CELSR2: variants seen among roughly 807,000 people sequenced by gnomAD.
The protein encoded by CELSR2 is EGF-like protein 2.
In CELSR2, 81 loss-of-function variants were observed where a neutral mutation model predicts 251.6. The ratio of observed to expected loss-of-function variants is 0.32; its 90% confidence interval spans 0.27 to 0.39. The LOEUF is 0.39. Ranked by LOEUF, CELSR2 falls within the 10% of genes least tolerant of loss-of-function variation. The pLI is 1.00. For missense variants in CELSR2, 3,365 were observed against 3,947.7 expected (o/e 0.85, Z 3.96); for synonymous variants, 1,721 against 1,670.5 (o/e 1.03, Z -0.74).
chr1:109,267,980 C>T lies in CELSR2; in HGVS notation c.6238C>T (p.Leu2080=). The change falls in exon 17 of 34, where the codon CTG becomes TTG. Residue 2080 remains leucine (L), a synonymous_variant. Transcript: ENST00000271332. ...CAGCGACGTCAAGGTGGCCTACCAG[C>T]TGGCCACGCGGCTGCTGGCCCACGA... The part of the protein sequence containing the change: ...FGSDVKVAYQ[L]ATRLLAHEST... 1.2e-6 allele frequency: 2 copies of T among 1,611,170 alleles called. No homozygotes were observed. Among genetic ancestry groups the T allele is most frequent in the Non-Finnish European group, 1.7e-6 (2 of 1,179,770 alleles).
Position 109,270,499 on chromosome 1 carries a change from C to T in CELSR2, c.7382C>T (p.Ala2461Val), listed in dbSNP as rs756682979. 4 of 1,614,098 alleles carry T rather than the reference C, an allele frequency of 2.5e-6. No homozygotes were observed. In the African/African-American group the frequency reaches 5.3e-5, roughly 22 times the overall value. Reference protein sequence around the residue: ...LCTFSWALLEALHLYRALTEV... With the variant: ...LCTFSWALLEVLHLYRALTEV... ...ACCTTTTCCTGGGCTCTGCTGGAGG[C>T]CTTGCACCTGTACCGGGCACTCACT... Residue 2461 changes from alanine to valine, a missense_variant, in exon 24 of 34, where the codon GCC becomes GTC. Physicochemically the swap from Ala to Val is moderately conservative, Grantham distance 64. This residue lies in a region of CELSR2 where 2,093 missense variants were observed against 2,382.8 expected (regional missense o/e 0.88). Transcript: ENST00000271332.
Position 109,268,150 on chromosome 1 carries a change from C to T in CELSR2, c.6318+90C>T, listed in dbSNP as rs1656257913. ...GGCAACCTGGGGGGCAGAGGGGGCCCTCCCATCCCACCTACAAGGAGCTCC... is the reference window on the plus strand; with the variant it reads ...GGCAACCTGGGGGGCAGAGGGGGCCTTCCCATCCCACCTACAAGGAGCTCC... On this transcript the variant is annotated intron_variant, in intron 17 of 33. Transcript: ENST00000271332. 1.1e-5 allele frequency: 16 copies of T among 1,493,556 alleles called. No individual in the cohort carries two copies. The South Asian group carries it at 1.2e-4, about 11-fold the overall frequency. The allele number at this position is 1,493,556 out of a possible 1,614,324, so 92.5% of individuals were successfully genotyped here.
In CELSR2 at chr1:109,250,332, C is replaced by T. The variant is rs1655647103; in HGVS notation, c.253C>T (p.Pro85Ser). 1 of 1,613,476 alleles carries T rather than the reference C, an allele frequency of 6.2e-7. No individual in the cohort carries two copies. The change falls in exon 1 of 34, where the codon CCC (proline) becomes TCC (serine). Residue 85 changes from proline (P) to serine (S), a missense_variant. Pro to Ser is a moderately conservative substitution (Grantham distance 74, BLOSUM62 -1). Transcript: ENST00000271332. The surrounding 1 kb of genome is among the most constrained non-coding windows in gnomAD (Gnocchi z 4.4). ...CACTGAGCTGACTGGCCACCTGGTACCCCACCACGATGGCCTGAGGGTTTG... is the reference window on the plus strand; with the variant it reads ...CACTGAGCTGACTGGCCACCTGGTATCCCACCACGATGGCCTGAGGGTTTG... ...AGTELTGHLV[P>S]HHDGLRVWCP...
chr1:109,272,600 G>A, intron 29 of CELSR2, 40 bp from the exon 30 acceptor site: 1 of 1,585,356 alleles, frequency 6.3e-7, no homozygotes, highest in Non-Finnish European at 8.7e-7. Flanking sequence ...CCTGGGCAAG[G>A]GGCCAGGCTG....
rs1334523124 is a variant in CELSR2 at position 109,249,663 on chromosome 1, G to T, written c.-417G>T. Among the ~76,000 whole-genome samples, 2 of 146,722 alleles carry T rather than the reference G, an allele frequency of 1.4e-5. No homozygotes were observed. The highest frequency in any genetic ancestry group is 3.0e-5 in the Non-Finnish European group (2 of 65,974). ...GGGCGGCGCGGGACCGTCGGGGGCCGCCGGGGCCGGGCCGGGGTCGGGGCG... is the reference window on the plus strand; with the variant it reads ...GGGCGGCGCGGGACCGTCGGGGGCCTCCGGGGCCGGGCCGGGGTCGGGGCG... On this transcript the variant is annotated 5_prime_UTR_variant, in exon 1 of 34. Transcript: ENST00000271332.
intron 15 of CELSR2, among the ~76,000 whole-genome samples, chr1:109,267,058 G>T (rs1160571221): frequency 6.6e-6 from 1 of 152,122 alleles, no homozygotes; most frequent in Non-Finnish European, 1.5e-5. Flanking sequence ...TGAAAAACCT[G>T]CACTGTGCTT....
chr1:109,264,490 A>G lies in CELSR2; in HGVS notation c.5326A>G (p.Ser1776Gly). 6.2e-7 allele frequency: 1 copy of G among 1,613,944 alleles called. No individual in the cohort carries two copies. Among genetic ancestry groups the G allele is most frequent in the Non-Finnish European group, 8.5e-7 (1 of 1,179,932 alleles). ...GAGCGATACGCCGGAGGGGGTTAAC[A>G]GCCTGGATCCCAGCCATGGGGAGAG... ...RVSDTPEGVN[S>G]LDPSHGESIN... Residue 1776 changes from serine to glycine, a missense_variant, in exon 11 of 34, where the codon AGC becomes GGC. Around this residue, in one of 5 missense-constraint regions of CELSR2, gnomAD observed 2,093 missense variants for 2,382.8 expected, o/e 0.88. Coordinates refer to ENST00000271332, the MANE Select transcript of CELSR2 (RefSeq NM_001408.3).
In CELSR2 at chr1:109,249,588, C is replaced by G. The variant is rs1480817105; in HGVS notation, c.-492C>G. Among the ~76,000 whole-genome samples, 5 of 148,840 alleles carry G rather than the reference C, an allele frequency of 3.4e-5. No homozygotes were observed. The highest frequency in any genetic ancestry group is 2.0e-4 in the East Asian group (1 of 5,112). Reference sequence around the variant, plus strand: ...AGGCGAGGGAGCGCGGGGCTGGGCCCGGGGCCGCGGCGACAGGCAGCAGCC... The same window carrying G: ...AGGCGAGGGAGCGCGGGGCTGGGCCGGGGGCCGCGGCGACAGGCAGCAGCC... On this transcript the variant is annotated 5_prime_UTR_variant, in exon 1 of 34. Coordinates refer to ENST00000271332, the MANE Select transcript of CELSR2 (RefSeq NM_001408.3).
Position 109,252,403 on chromosome 1 carries a change from AT to A in CELSR2, c.2325del (p.Tyr775Ter). ...GAVTTQAELD[Y>X]EDQVSYTLAI... ...GTCACCACCCAGGCTGAGCTGGACT[AT>A]GAAGACCAAGTGTCTTACACCCTGG... On this transcript the variant is annotated frameshift_variant, in exon 1 of 34. Transcript: ENST00000271332. LOFTEE classifies it high-confidence loss of function. The surrounding 1 kb of genome is among the most constrained non-coding windows in gnomAD (Gnocchi z 4.8). The A allele has an allele frequency of 6.2e-7, 1 of 1,613,296 alleles. No individual in the cohort carries two copies. The highest frequency in any genetic ancestry group is 8.5e-7 in the Non-Finnish European group (1 of 1,180,018).
rs747850757 is a variant in CELSR2, at chr1:109,263,794, C to T, written c.5001+17C>T. 1.4e-5 allele frequency: 22 copies of T among 1,609,746 alleles called. No individual in the cohort carries two copies. The highest frequency in any genetic ancestry group is 5.5e-5 in the South Asian group (5 of 90,884). ...ACCCTACAGGTGATGCATGGAAGGG[C>T]GGCTGGCCCTGGCCTGGCCATAGGG... On this transcript the variant is annotated intron_variant, in intron 9 of 33. Transcript: ENST00000271332.
At position 109,273,497 on chromosome 1, in the gene CELSR2, C is replaced by T; in HGVS notation, c.8571C>T (p.Pro2857=). ...AGAAGAGCAGCCTCCTGCGGCTCCCCCTGGAGCAATGCACAGGGTCTTCCC... is the reference window on the plus strand; with the variant it reads ...AGAAGAGCAGCCTCCTGCGGCTCCCTCTGGAGCAATGCACAGGGTCTTCCC... The part of the protein sequence containing the change: ...ISEKSSLLRL[P]LEQCTGSSRG... The change falls in exon 33 of 34, where the codon CCC becomes CCT. Residue 2857 remains proline (P), a synonymous_variant. Coordinates refer to ENST00000271332, the MANE Select transcript of CELSR2 (RefSeq NM_001408.3). 12 of 1,611,206 alleles carry T rather than the reference C, an allele frequency of 7.4e-6. No individual in the cohort carries two copies. Among genetic ancestry groups the T allele is most frequent in the Non-Finnish European group, 9.3e-6 (11 of 1,179,032 alleles).
intron 24 of CELSR2, 104 bp downstream of exon 24, chr1:109,270,704 G>A: frequency 7.2e-7 from 1 of 1,393,714 alleles, no homozygotes; most frequent in Non-Finnish European, 9.8e-7. Context: ...ACATCCCCAT[G>A]CCCCAGGCCG....
Position 109,261,629 on chromosome 1 carries a change from G to A in CELSR2, c.4297+1G>A, listed in dbSNP as rs1414349989. ...CAGGTCCAGCTCACCTTCTCTGCAG[G>A]TGATCACAGTTGCCCCCCATCCTTG... On this transcript the variant is annotated splice_donor_variant, in intron 4 of 33. Coordinates refer to ENST00000271332, the MANE Select transcript of CELSR2 (RefSeq NM_001408.3). LOFTEE classifies it high-confidence loss of function. This position sits in a 1 kb window ranked among gnomAD's most constrained non-coding sequence, Gnocchi z 4.8. 6.2e-7 allele frequency: 1 copy of A among 1,611,532 alleles called. No homozygotes were observed. Among genetic ancestry groups the A allele is most frequent in the Non-Finnish European group, 8.5e-7 (1 of 1,177,656 alleles).
At chr1:109,260,597 C>T (rs930360591) in intron 2 of CELSR2, among the ~76,000 whole-genome samples, 1 of 152,146 alleles carries the variant, frequency 6.6e-6, no homozygotes, top group African/African-American at 2.4e-5. Context: ...GAGGGAGGCT[C>T]CCAGCCCTCC....
chr1:109,257,252 T>C (rs888016667), intron 1 of CELSR2, among the ~76,000 whole-genome samples: 2 of 151,070 alleles, frequency 1.3e-5, no homozygotes, highest in African/African-American at 4.9e-5. Flanking sequence ...ATTTGGGAGG[T>C]TGAGGTGGGA....
Position 109,263,837 on chromosome 1 carries a change from C to G in CELSR2, c.5001+60C>G, listed in dbSNP as rs79870677. The stretch of plus-strand genomic sequence containing the variant: ...CCATAGGGCCCTGGTAGCCTCTAGG[C>G]GGCTGGACAGAAGTGGCTGGGCAGG... On this transcript the variant is annotated intron_variant, in intron 9 of 33. Coordinates refer to ENST00000271332, the MANE Select transcript of CELSR2 (RefSeq NM_001408.3). 16,126 of 1,571,306 alleles carry G rather than the reference C, an allele frequency of 0.01. 1,317 individuals are homozygous for G. In the African/African-American group the frequency reaches 0.19, roughly 18 times the overall value.
At position 109,273,052 on chromosome 1, in the gene CELSR2, C is replaced by G. The variant is rs370967158; in HGVS notation, c.8338+25C>G. 38 of 1,600,012 alleles carry G rather than the reference C, an allele frequency of 2.4e-5. No individual in the cohort carries two copies. In the East Asian group the frequency reaches 4.3e-4, roughly 18 times the overall value. On this transcript the variant is annotated intron_variant, in intron 31 of 33. Coordinates refer to ENST00000271332, the MANE Select transcript of CELSR2 (RefSeq NM_001408.3). ...GGTGGGCCAGCACTGGGGCTGTGGC[C>G]TTTGGGGCCAGTGGGAGGACAGTGG...
intron 15 of CELSR2, among the ~76,000 whole-genome samples, chr1:109,267,282 C>A (rs1028810762): frequency 1.3e-5 from 2 of 152,116 alleles, no homozygotes; most frequent in Non-Finnish European, 2.9e-5. Context: ...TGGCGGAGAG[C>A]ACAAAGTGGT....
Position 109,251,989 on chromosome 1 carries a change from G to C in CELSR2, c.1910G>C (p.Arg637Pro). The change falls in exon 1 of 34, where the codon CGT (arginine) becomes CCT (proline). Residue 637 changes from arginine (R) to proline (P), a missense_variant. By Grantham distance (103) the Arg-to-Pro change is moderately radical. This residue lies in a region of CELSR2 where 60 missense variants were observed against 104.8 expected (regional missense o/e 0.57). Transcript: ENST00000271332. This position sits in a 1 kb window ranked among gnomAD's most constrained non-coding sequence, Gnocchi z 4.9. ...TSVVTVSAVD[R>P]DAHSVITYQI... ...GTGGTGACGGTGTCAGCTGTGGACCGTGATGCTCATAGTGTCATCACCTAC... is the reference window on the plus strand; with the variant it reads ...GTGGTGACGGTGTCAGCTGTGGACCCTGATGCTCATAGTGTCATCACCTAC... 1 of 1,614,094 alleles carries C rather than the reference G, an allele frequency of 6.2e-7. No individual in the cohort carries two copies. The highest frequency in any genetic ancestry group is 8.5e-7 in the Non-Finnish European group (1 of 1,180,020).
Sources: gnomAD v4.1 joint callset for allele counts (sites outside exome capture counted in the v4.1 genomes callset) on GRCh38, gnomAD v4.1.1 for gene constraint, gnomAD v4.1.1 regional missense constraint, Gnocchi (gnomAD v3.1) non-coding constraint, MANE v1.5 for transcripts, NCBI Gene and HGNC (gene_info 2026-07-23, HGNC 2026-07-21) for gene names.